Variants in ZFYVE21 observed in about 807,000 individuals in gnomAD.
The protein encoded by ZFYVE21 is zinc finger FYVE-type containing 21.
Under a neutral mutation model 29.5 loss-of-function variants are expected in ZFYVE21, and 21 were observed. The observed-to-expected ratio is 0.71, with a 90% CI of 0.50 to 1.02. The LOEUF is 1.02. Among genes scored for constraint, ZFYVE21 ranks in the 50% least tolerant of loss-of-function variants. The probability of loss-of-function intolerance (pLI) is 0.00; values close to 1 mark genes in which losing one functional copy is unlikely to be tolerated. For missense variants in ZFYVE21, 326 were observed against 335.4 expected (o/e 0.97, Z 0.22); for synonymous variants, 151 against 133.8 (o/e 1.13, Z -0.89).
At chr14:103,726,649 T>A in intron 1 of ZFYVE21, 143 bp from the exon 2 acceptor site, 1 of 1,049,152 alleles carries the variant, frequency 9.5e-7, no homozygotes, top group Non-Finnish European at 1.4e-6. Flanking sequence ...TCCACCGTCC[T>A]GCGTCACAAC....
At chr14:103,723,201 G>A (rs998056342) in intron 1 of ZFYVE21, among the ~76,000 whole-genome samples, 3 of 152,254 alleles carry the variant, frequency 2.0e-5, no homozygotes, top group Admixed American at 6.5e-5. Context: ...TTCTCTAGCA[G>A]ATTCTAGTGG....
chr14:103,729,757 C>T (rs1391838954), intron 5 of ZFYVE21: 1 of 1,536,178 alleles, frequency 6.5e-7, no homozygotes, highest in Admixed American at 2.0e-5. Flanking sequence ...CTTGGTTGCT[C>T]CTTCTCGCCA....
intron 3 of ZFYVE21, among the ~76,000 whole-genome samples, chr14:103,728,404 A>G (rs1475499268): frequency 6.6e-6 from 1 of 151,900 alleles, no homozygotes; most frequent in Non-Finnish European, 1.5e-5. Context: ...CTGTCCGTCC[A>G]CCTCTGGCCA....
intron 6 of ZFYVE21, 39 bp downstream of exon 6, chr14:103,732,801 T>G (rs764511133): frequency 3.1e-6 from 5 of 1,604,846 alleles, no homozygotes; most frequent in Admixed American, 1.7e-5. Context: ...GCCCTTTGGC[T>G]TAGACAAAAG....
Position 103,729,162 on chromosome 14 carries a change from CAGA to C in ZFYVE21, c.509_511del (p.Glu170del), listed in dbSNP as rs774227494. ...CACATTTCCACCGTGCAGATCCTCACAGAAGGCTTCCCTCCTGGAGGTAAATGC... is the reference window on the plus strand; with the variant it reads ...CACATTTCCACCGTGCAGATCCTCACAGGCTTCCCTCCTGGAGGTAAATGC... On this transcript the variant is annotated inframe_deletion, in exon 5 of 7. Coordinates refer to ENST00000311141, the MANE Select transcript of ZFYVE21 (RefSeq NM_024071.4). 13 of 1,614,084 alleles carry C rather than the reference CAGA, an allele frequency of 8.1e-6. No homozygotes were observed. Among genetic ancestry groups the C allele is most frequent in the Non-Finnish European group, 1.1e-5 (13 of 1,180,008 alleles).
chr14:103,730,689 A>C, intron 5 of ZFYVE21: 1 of 152,656 alleles, frequency 6.6e-6, no homozygotes, highest in East Asian at 1.9e-4. Context: ...GGACAATAGG[A>C]ACAGTCCCCT....
At chr14:103,720,307 G>A (rs1393612937) in intron 1 of ZFYVE21, among the ~76,000 whole-genome samples, 2 of 152,134 alleles carry the variant, frequency 1.3e-5, no homozygotes, top group Non-Finnish European at 2.9e-5. Flanking sequence ...TAGGAGTTAC[G>A]CTCTACCAGT....
At chr14:103,728,159 G>T (rs1001724783) in intron 3 of ZFYVE21, 3 of 436,062 alleles carry the variant, frequency 6.9e-6, no homozygotes, top group Non-Finnish European at 1.2e-5. Flanking sequence ...GGTGGGAGGG[G>T]AGGCCCTGGG....
chr14:103,729,949 T>G, intron 5 of ZFYVE21: 2 of 1,307,656 alleles, frequency 1.5e-6, no homozygotes, highest in Non-Finnish European at 2.1e-6. Context: ...CAAGGTTCTT[T>G]GTGAAACCTG....
chr14:103,716,711 G>C lies in ZFYVE21; in HGVS notation c.138+732G>C, dbSNP rs1466593786. Among the ~76,000 whole-genome samples, 1 of 152,178 alleles carries C rather than the reference G, an allele frequency of 6.6e-6. No individual in the cohort carries two copies. The highest frequency in any genetic ancestry group is 6.5e-5 in the Admixed American group (1 of 15,284). On this transcript the variant is annotated intron_variant, in intron 1 of 6. Transcript: ENST00000311141. The surrounding 1 kb of genome is among the most constrained non-coding windows in gnomAD (Gnocchi z 4.8). ...GCCCAGGCCACTCCTGCAGACATTG[G>C]GGCGTGGGCGTGGGGTCCCTGAGCC...
chr14:103,717,740 TG>T (rs1394308574), intron 1 of ZFYVE21, among the ~76,000 whole-genome samples: 3 of 151,838 alleles, frequency 2.0e-5, no homozygotes, highest in African/African-American at 7.2e-5. Flanking sequence ...CATGTTTGGA[TG>T]ATTAACTGGG....
intron 1 of ZFYVE21, among the ~76,000 whole-genome samples, chr14:103,720,827 G>T (rs1016496991): frequency 3.3e-5 from 5 of 152,064 alleles, no homozygotes; most frequent in African/African-American, 1.2e-4. Context: ...CATGATTTCT[G>T]TTTTTTGTTT....
rs2084006744 is a variant in ZFYVE21, at chr14:103,733,414, C to CT, written c.*397dup. 5.1e-6 allele frequency: 1 copy of CT among 196,264 alleles called. No individual in the cohort carries two copies. The highest frequency in any genetic ancestry group is 2.4e-5 in the African/African-American group (1 of 42,266). 12.2% of individuals were successfully genotyped at this position (196,264 alleles called of 1,614,324 possible). ...GTTTGGGCAGTAGGAACTCAGGCTT[C>CT]TGGTCTGCAGTGGAGCCTGTTCGCC... On this transcript the variant is annotated 3_prime_UTR_variant, in exon 7 of 7. Transcript: ENST00000311141.
At chr14:103,719,035 C>T (rs1009179169) in intron 1 of ZFYVE21, among the ~76,000 whole-genome samples, 2 of 152,048 alleles carry the variant, frequency 1.3e-5, no homozygotes, top group African/African-American at 4.8e-5. Context: ...GAGGAGTGGC[C>T]AAGGCTAGAA....
chr14:103,720,627 C>T (rs575696847), intron 1 of ZFYVE21, among the ~76,000 whole-genome samples: 1 of 152,248 alleles, frequency 6.6e-6, no homozygotes, highest in East Asian at 1.9e-4. Context: ...TATATGGAGG[C>T]GCTTTTGGTT....
intron 1 of ZFYVE21, among the ~76,000 whole-genome samples, chr14:103,721,274 C>T (rs1028290624): frequency 2.6e-5 from 4 of 152,210 alleles, no homozygotes; most frequent in East Asian, 1.9e-4. Flanking sequence ...AGGGGACAAG[C>T]GCCCAGGGCT....
At chr14:103,727,053 C>G in intron 2 of ZFYVE21, 1 of 522,880 alleles carries the variant, frequency 1.9e-6, no homozygotes, top group South Asian at 2.1e-5. Context: ...TCAAGTGATT[C>G]TCCTGCCTCA....
At chr14:103,729,939 C>A in intron 5 of ZFYVE21, 1 of 1,398,746 alleles carries the variant, frequency 7.1e-7, no homozygotes, top group Non-Finnish European at 9.6e-7. Flanking sequence ...TGGTCCATGC[C>A]AAGGTTCTTT....
intron 5 of ZFYVE21, chr14:103,729,973 T>C: frequency 9.0e-7 from 1 of 1,116,164 alleles, no homozygotes; most frequent in Non-Finnish European, 1.3e-6. Flanking sequence ...TCACTTACTT[T>C]GGTTGACTTA....
Sources: gnomAD v4.1 joint callset for allele counts (sites outside exome capture counted in the v4.1 genomes callset) on GRCh38, gnomAD v4.1.1 for gene constraint, Gnocchi (gnomAD v3.1) non-coding constraint, MANE v1.5 for transcripts, NCBI Gene and HGNC (gene_info 2026-07-23, HGNC 2026-07-21) for gene names.